HADHB: variants seen among roughly 807,000 people sequenced by gnomAD.
HADHB encodes hydroxyacyl-CoA dehydrogenase trifunctional multienzyme complex subunit beta, also known as trifunctional enzyme subunit beta, mitochondrial.
In HADHB, 50 loss-of-function variants were observed where a neutral mutation model predicts 61.9. The observed-to-expected ratio is 0.81, with a 90% CI of 0.64 to 1.02. The LOEUF (loss-of-function observed/expected upper bound fraction) is 1.02, where lower values mean the gene tolerates loss of function less well. Among genes scored for constraint, HADHB ranks in the 50% least tolerant of loss-of-function variants. The pLI, the probability that HADHB is intolerant of heterozygous loss-of-function variation, is 0.00. For missense variants in HADHB, 504 were observed against 586.5 expected (o/e 0.86, Z 1.45); for synonymous variants, 191 against 201.6 (o/e 0.95, Z 0.45).
intron 1 of HADHB, among the ~76,000 whole-genome samples, chr2:26,247,239 C>T (rs1671202655): frequency 2.0e-5 from 3 of 152,166 alleles, no homozygotes; most frequent in Admixed American, 2.0e-4. Flanking sequence ...CTCGATCCTA[C>T]CCTACCCTAC....
chr2:26,269,858 A>G, intron 4 of HADHB, 95 bp from the exon 5 acceptor site: 4 of 818,282 alleles, frequency 4.9e-6, no homozygotes, highest in South Asian at 2.7e-5. Context: ...TTGTAGCAGC[A>G]TGTGTTTGAT....
At chr2:26,288,921 C>G (rs551754791) in intron 15 of HADHB, among the ~76,000 whole-genome samples, 4 of 152,224 alleles carry the variant, frequency 2.6e-5, no homozygotes, top group African/African-American at 9.6e-5. Context: ...AAGGACATAG[C>G]TAGTACATAG....
At chr2:26,264,248 G>A (rs1671975573) in intron 4 of HADHB, among the ~76,000 whole-genome samples, 1 of 151,620 alleles carries the variant, frequency 6.6e-6, no homozygotes, top group Non-Finnish European at 1.5e-5. Flanking sequence ...GATATGTTAA[G>A]TATAAAAAGC....
At chr2:26,245,976 C>G (rs185538223) in intron 1 of HADHB, among the ~76,000 whole-genome samples, 67 of 152,284 alleles carry the variant, frequency 4.4e-4, no homozygotes, top group Non-Finnish European at 7.9e-4. Context: ...GGACAGGAAA[C>G]AAGGGGCATC....
At chr2:26,251,860 A>G (rs1671412110) in intron 1 of HADHB, among the ~76,000 whole-genome samples, 1 of 152,202 alleles carries the variant, frequency 6.6e-6, no homozygotes, top group South Asian at 2.1e-4. Flanking sequence ...ATTTCTGTGT[A>G]GCCAATTACC....
At position 26,263,479 on chromosome 2, in the gene HADHB, C is replaced by T. The variant is rs996233345; in HGVS notation, c.209C>T (p.Ser70Leu). ...VRTPFLLSGT[S>L]YKDLMPHDLA... ...ACTCCATTTTTGCTGTCTGGCACTTCGTAAGTATGACATGATCATATTATT... is the reference window on the plus strand; with the variant it reads ...ACTCCATTTTTGCTGTCTGGCACTTTGTAAGTATGACATGATCATATTATT... Residue 70 changes from serine (S) to leucine (L), a missense_variant and splice_region_variant, in exon 4 of 16, where the codon TCA becomes TTA. Transcript: ENST00000317799. The T allele has an allele frequency of 1.7e-5, 26 of 1,548,126 alleles. No individual in the cohort carries two copies. In the African/African-American group the frequency reaches 2.0e-4, roughly 12 times the overall value.
chr2:26,246,516 T>C (rs1441302106), intron 1 of HADHB, among the ~76,000 whole-genome samples: 2 of 151,994 alleles, frequency 1.3e-5, no homozygotes, highest in African/African-American at 4.8e-5. Context: ...ATTTTTTGTA[T>C]TTTTAGTAGA....
At chr2:26,289,397 C>T (rs1403277694) in intron 15 of HADHB, among the ~76,000 whole-genome samples, 1 of 152,014 alleles carries the variant, frequency 6.6e-6, no homozygotes, top group African/African-American at 2.4e-5. Flanking sequence ...CAAATCCTGG[C>T]CCTGTTACCT....
At chr2:26,281,194 AC>A (rs1672773055) in intron 10 of HADHB, among the ~76,000 whole-genome samples, 1 of 151,940 alleles carries the variant, frequency 6.6e-6, no homozygotes, top group South Asian at 2.1e-4. Context: ...CCTCAATTAA[AC>A]ATCTTTATTG....
rs1672722864 is a variant in HADHB at position 26,280,102 on chromosome 2, A to G, written c.920A>G (p.Asn307Ser). The G allele has an allele frequency of 2.5e-6, 4 of 1,612,872 alleles. No individual in the cohort carries two copies. The highest frequency in any genetic ancestry group is 3.4e-6 in the Non-Finnish European group (4 of 1,178,910). ...IKPYGTVTAA[N>S]SSFLTDGASA... ...CCCTACGGCACAGTGACAGCTGCAA[A>G]TTCTTCTTTCTTGGTAACTGTCAAT... The change falls in exon 10 of 16, where the codon AAT becomes AGT. Residue 307 changes from asparagine (N) to serine (S), a missense_variant. Transcript: ENST00000317799.
rs372710548 is a variant in HADHB, at chr2:26,283,087, A to G, written c.1061+36A>G. ...GTTTGTATCCTTGGACTATAATCAC[A>G]AGTATTTGATTGCCTATGTTTTATT... is the stretch of plus-strand genomic sequence containing the variant. On this transcript the variant is annotated intron_variant, in intron 12 of 15. Transcript: ENST00000317799. 38 of 1,351,920 alleles carry G rather than the reference A, an allele frequency of 2.8e-5. No homozygotes were observed. The African/African-American group carries it at 4.8e-4, about 17-fold the overall frequency. The allele number at this position is 1,351,920 out of a possible 1,614,324, so 83.7% of individuals were successfully genotyped here. A position where few individuals can be genotyped will look rare whatever the true frequency, so the allele number is the denominator to read the frequency against.
chr2:26,266,666 G>T (rs1672090347), intron 4 of HADHB, among the ~76,000 whole-genome samples: 1 of 151,742 alleles, frequency 6.6e-6, no homozygotes, highest in Non-Finnish European at 1.5e-5. Flanking sequence ...GATCACCTGA[G>T]GTCAGGTGTT....
At chr2:26,289,780 C>G (rs1673190281) in intron 15 of HADHB, 138 bp from the exon 16 acceptor site, 5 of 759,902 alleles carry the variant, frequency 6.6e-6, no homozygotes, top group African/African-American at 3.4e-5. Flanking sequence ...TACAAACTTT[C>G]CCAAGATCAC....
chr2:26,254,274 C>T lies in HADHB; in HGVS notation c.20C>T (p.Pro7Leu), dbSNP rs866708381. ...TCCAGAATGACTATCTTGACTTACC[C>T]CTTTAAAAATCTTCCCACTGCATCA... MTILTY[P>L]FKNLPTASKW... The change falls in exon 2 of 16, where the codon CCC (proline) becomes CTC (leucine). Residue 7 changes from proline (P) to leucine (L), a missense_variant. Physicochemically the swap from Pro to Leu is moderately conservative, Grantham distance 98. Transcript: ENST00000317799. The T allele has an allele frequency of 1.3e-6, 2 of 1,486,862 alleles. No homozygotes were observed. Among genetic ancestry groups the T allele is most frequent in the South Asian group, 2.3e-5 (2 of 88,374 alleles). 92.1% of individuals were successfully genotyped at this position (1,486,862 alleles called of 1,614,324 possible).
At position 26,270,016 on chromosome 2, in the gene HADHB, AT is replaced by A; in HGVS notation, c.254+22del. 1 of 1,543,604 alleles carries A rather than the reference AT, an allele frequency of 6.5e-7. No individual in the cohort carries two copies. Among genetic ancestry groups the A allele is most frequent in the Non-Finnish European group, 9.0e-7 (1 of 1,115,836 alleles). On this transcript the variant is annotated intron_variant, in intron 5 of 15. Transcript: ENST00000317799. Reference sequence around the variant, plus strand: ...CGCTTACGTAAGTAAATGCAGTTTCATTTCCGTTCTTATTTCATTAAAGGCA... The same window carrying A: ...CGCTTACGTAAGTAAATGCAGTTTCATTCCGTTCTTATTTCATTAAAGGCA...
At chr2:26,260,739 A>G (rs1264732178) in intron 3 of HADHB, 5 of 437,238 alleles carry the variant, frequency 1.1e-5, no homozygotes, top group Non-Finnish European at 2.1e-5. Flanking sequence ...ACAGCTGGAA[A>G]GGTGTTAGGA....
chr2:26,284,322 A>AT, intron 13 of HADHB, 118 bp downstream of exon 13: 1 of 763,758 alleles, frequency 1.3e-6, no homozygotes, highest in Non-Finnish European at 2.4e-6. Context: ...GGACCTGCAT[A>AT]TTTTAAGTAC....
intron 1 of HADHB, among the ~76,000 whole-genome samples, chr2:26,249,470 C>T (rs978766304): frequency 3.9e-5 from 6 of 151,936 alleles, no homozygotes; most frequent in African/African-American, 9.7e-5. Flanking sequence ...AAGATCGCGC[C>T]GCTGTACTCC....
intron 1 of HADHB, chr2:26,245,236 CAAGTT>C: frequency 5.7e-6 from 1 of 175,798 alleles, no homozygotes. Flanking sequence ...TTTATCATCA[CAAGTT>C]AACGAAGTCT....
Sources: allele counts gnomAD v4.1 joint callset (sites outside exome capture counted in the v4.1 genomes callset), GRCh38; gene constraint gnomAD v4.1.1; transcripts MANE v1.5; gene names NCBI Gene and HGNC (gene_info 2026-07-23, HGNC 2026-07-21).